Variants in HYAL4 observed in about 807,000 individuals in gnomAD.
The protein encoded by HYAL4 is hyaluronidase-4.
HYAL4 carries 37 observed loss-of-function variants against 35.2 expected under a neutral mutation model. The observed-to-expected ratio is 1.05, with a 90% confidence interval of 0.81 to 1.38. The LOEUF is 1.38. Ranked by LOEUF, HYAL4 falls within the 40% of genes most tolerant of loss-of-function variation. The pLI, the probability that HYAL4 is intolerant of heterozygous loss-of-function variation, is 0.00. For synonymous variants in HYAL4, 198 were observed against 203.2 expected (o/e 0.97, Z 0.22); for missense variants, 572 against 572.4 (o/e 1.00, Z 0.01).
intron 2 of HYAL4, among the ~76,000 whole-genome samples, chr7:123,851,547 T>TC (rs1806305712): frequency 6.6e-6 from 1 of 152,152 alleles, no homozygotes; most frequent in Admixed American, 6.6e-5. Flanking sequence ...CTAGCTTCAT[T>TC]CATGTCCCCG....
chr7:123,779,077 T>TA, the HYAL4 span, among the ~76,000 whole-genome samples: 2 of 152,216 alleles, frequency 1.3e-5, no homozygotes, highest in Non-Finnish European at 2.9e-5. Flanking sequence ...CCCATGTTAA[T>TA]ATGTAAGAGG....
At chr7:123,840,086 G>A (rs191127774), upstream of HYAL4, among the ~76,000 whole-genome samples, 344 of 152,280 alleles carry the variant, frequency 2.3e-3, 1 homozygote, top group African/African-American at 7.7e-3. Flanking sequence ...GAATGGTATT[G>A]CCTAGGTTTT....
At chr7:123,840,621 A>G (rs1264282231), upstream of HYAL4, among the ~76,000 whole-genome samples, 5 of 152,076 alleles carry the variant, frequency 3.3e-5, no homozygotes, top group African/African-American at 9.6e-5. Context: ...ATGCATGAGC[A>G]TGGAATATTC....
chr7:123,865,570 C>T (rs1364172581), intron 2 of HYAL4, among the ~76,000 whole-genome samples: 1 of 152,166 alleles, frequency 6.6e-6, no homozygotes, highest in African/African-American at 2.4e-5. Flanking sequence ...ACCTCTATAG[C>T]TCCTAAATAC....
At chr7:123,840,009 A>G (rs535498776) in intron 1 of HYAL4, among the ~76,000 whole-genome samples, 2 of 152,108 alleles carry the variant, frequency 1.3e-5, no homozygotes, top group Non-Finnish European at 2.9e-5. Context: ...CCATTTGTCT[A>G]TTTTGGCTTT....
intron 3 of HYAL4, among the ~76,000 whole-genome samples, chr7:123,873,257 ACCT>A (rs1218989593): frequency 6.6e-6 from 1 of 151,970 alleles, no homozygotes; most frequent in Non-Finnish European, 1.5e-5. Flanking sequence ...GCCTCTCAAA[ACCT>A]CCTCTCCTTC....
the HYAL4 span, among the ~76,000 whole-genome samples, chr7:123,803,391 A>G: frequency 6.6e-6 from 1 of 152,190 alleles, no homozygotes; most frequent in Non-Finnish European, 1.5e-5. Flanking sequence ...AACCCCTTCA[A>G]TGTTTTAATA....
chr7:123,800,892 C>G, the HYAL4 span, among the ~76,000 whole-genome samples: 2 of 151,788 alleles, frequency 1.3e-5, no homozygotes, highest in African/African-American at 2.4e-5. Context: ...AGCTCCTGAC[C>G]TCAGGAGAGC....
chr7:123,799,256 A>G, the HYAL4 span, among the ~76,000 whole-genome samples: 1 of 152,048 alleles, frequency 6.6e-6, no homozygotes, highest in South Asian at 2.1e-4. Context: ...TCTTTATTGT[A>G]GATTTCCCTT....
chr7:123,764,995 TATA>T, the HYAL4 span, among the ~76,000 whole-genome samples: 5 of 152,308 alleles, frequency 3.3e-5, no homozygotes, highest in African/African-American at 1.2e-4. Flanking sequence ...AATAACATAT[TATA>T]ATTAAATAGT....
rs769969545 is a variant in HYAL4, at chr7:123,876,832, G to A, written c.1123G>A (p.Val375Ile). 1 of 1,614,154 alleles carries A rather than the reference G, an allele frequency of 6.2e-7. No homozygotes were observed. The highest frequency in any genetic ancestry group is 1.6e-4 in the Middle Eastern group (1 of 6,062). ...AGCCAATGTGACCAGAGCTGCTGAGGTATGCAGCCTTCACCTCTGCAGGAA... is the reference window on the plus strand; with the variant it reads ...AGCCAATGTGACCAGAGCTGCTGAGATATGCAGCCTTCACCTCTGCAGGAA... ...YIANVTRAAE[V>I]CSLHLCRNNG... The change falls in exon 5 of 5, where the codon GTA becomes ATA. Residue 375 changes from valine to isoleucine, a missense_variant. Coordinates refer to ENST00000223026, the MANE Select transcript of HYAL4 (RefSeq NM_012269.3).
rs115583710 is a variant in HYAL4 at position 123,862,619 on chromosome 7, A to C, written c.-51-5604A>C. Among the ~76,000 whole-genome samples, 424 of 152,342 alleles carry C rather than the reference A, an allele frequency of 2.8e-3. 2 individuals are homozygous for C. Among genetic ancestry groups the C allele is most frequent in the African/African-American group, 9.2e-3 (384 of 41,578 alleles). ...AATCAAAATGAAAACAAATTAGTGC[A>C]ATTAATTTATTGATTTATAATATCC... On this transcript the variant is annotated intron_variant, in intron 2 of 4. Coordinates refer to ENST00000223026, the MANE Select transcript of HYAL4 (RefSeq NM_012269.3).
At chr7:123,843,767 T>C (rs1202975098), upstream of HYAL4, among the ~76,000 whole-genome samples, 1 of 151,926 alleles carries the variant, frequency 6.6e-6, no homozygotes, top group Non-Finnish European at 1.5e-5. Context: ...ACTGATACCC[T>C]TTCTTCCGCT....
chr7:123,828,726 C>T (rs1805837033), upstream of HYAL4, among the ~76,000 whole-genome samples: 1 of 152,114 alleles, frequency 6.6e-6, no homozygotes, highest in African/African-American at 2.4e-5. Flanking sequence ...GTGAGATCAT[C>T]TTCACCTGGA....
upstream of HYAL4, among the ~76,000 whole-genome samples, chr7:123,828,462 A>ACC (rs141948635): frequency 0.068 from 9,386 of 137,312 alleles, 398 homozygotes; most frequent in South Asian, 0.15. Context: ...ACACACACAC[A>ACC]CCTCTAAAAA....
chr7:123,835,227 AT>A (rs147069681), intron 1 of HYAL4, among the ~76,000 whole-genome samples: 20,952 of 150,808 alleles, frequency 0.14, 1,521 homozygotes, highest in African/African-American at 0.16. Context: ...TTCATTGGTA[AT>A]TTTTTTTTGT....
At chr7:123,861,553 C>T (rs1584921897) in intron 2 of HYAL4, among the ~76,000 whole-genome samples, 1 of 152,088 alleles carries the variant, frequency 6.6e-6, no homozygotes, top group African/African-American at 2.4e-5. Flanking sequence ...CAAGTGTATA[C>T]TTTAATACAG....
At chr7:123,849,622 A>T (rs1806257147) in intron 2 of HYAL4, among the ~76,000 whole-genome samples, 1 of 152,110 alleles carries the variant, frequency 6.6e-6, no homozygotes, top group Non-Finnish European at 1.5e-5. Context: ...TTTTTAAAAC[A>T]ATATACATAA....
chr7:123,832,476 ATACTTTTTTTTTTTT>A (rs1805899081), intron 1 of HYAL4, among the ~76,000 whole-genome samples: 3 of 58,432 alleles, frequency 5.1e-5, no homozygotes, highest in African/African-American at 1.9e-4. Context: ...CTATTGTGTC[ATACTTTTTTTTTTTT>A]TTTTTTTTTT....
Sources: gnomAD v4.1 joint callset for allele counts (sites outside exome capture counted in the v4.1 genomes callset) on GRCh38, gnomAD v4.1.1 for gene constraint, MANE v1.5 for transcripts, NCBI Gene and HGNC (gene_info 2026-07-23, HGNC 2026-07-21) for gene names.